The following MYOM3 variants were observed in gnomAD, a reference collection of about 807,000 sequenced individuals.
MYOM3 encodes myomesin 3.
In MYOM3, 155 loss-of-function variants were observed where a neutral mutation model predicts 191.7. The observed-to-expected ratio is 0.81, with a 90% CI of 0.71 to 0.92. MYOM3 has a LOEUF of 0.92. Ranked by LOEUF, MYOM3 falls within the 40% of genes least tolerant of loss-of-function variation. The probability of loss-of-function intolerance (pLI) is 0.00; values close to 1 mark genes in which losing one functional copy is unlikely to be tolerated. For synonymous variants in MYOM3, 757 were observed against 762.9 expected, an observed-to-expected ratio of 0.99 and a Z score of 0.13; for missense variants, 1,889 against 1,890.6, an observed-to-expected ratio of 1.00 and a Z score of 0.02.
At chr1:24,073,169 G>A (rs1047645764) in intron 23 of MYOM3, among the ~76,000 whole-genome samples, 2 of 152,192 alleles carry the variant, frequency 1.3e-5, no homozygotes, top group African/African-American at 2.4e-5. Flanking sequence ...AGGAAACTGA[G>A]GCCCAGGAAG....
intron 5 of MYOM3, among the ~76,000 whole-genome samples, chr1:24,101,396 C>T (rs554665157): frequency 3.3e-5 from 5 of 152,218 alleles, no homozygotes; most frequent in East Asian, 1.9e-4. Flanking sequence ...ATCAGAATTT[C>T]GGGGGGGTTA....
rs1017444002 is a variant in MYOM3 at position 24,082,717 on chromosome 1, G to A, written c.1971-3C>T. ...TCCTCAGCCCGGGAACTGTAAACCT[G>A]GGAGAGAAATGTGCAGCTTTCATGG... On this transcript the variant is annotated splice_polypyrimidine_tract_variant and splice_region_variant and intron_variant, in intron 16 of 36. Coordinates refer to ENST00000374434, the MANE Select transcript of MYOM3 (RefSeq NM_152372.4). The A allele has an allele frequency of 6.3e-7, 1 of 1,595,938 alleles. No homozygotes were observed. Among genetic ancestry groups the A allele is most frequent in the Admixed American group, 1.8e-5 (1 of 55,946 alleles).
chr1:24,059,028 G>T, intron 35 of MYOM3, 49 bp from the exon 36 acceptor site: 1 of 1,406,806 alleles, frequency 7.1e-7, no homozygotes, highest in African/African-American at 1.4e-5. Context: ...TCTGCCAGCC[G>T]CTTCCCAGAA....
In MYOM3 at chr1:24,081,421, G is replaced by T. The variant is rs751840043; in HGVS notation, c.2316C>A (p.Phe772Leu). 3.1e-6 allele frequency: 5 copies of T among 1,614,074 alleles called. No homozygotes were observed. Among genetic ancestry groups the T allele is most frequent in the African/African-American group, 1.3e-5 (1 of 74,946 alleles). The change falls in exon 19 of 37, where the codon TTC (phenylalanine) becomes TTA (leucine). Residue 772 changes from phenylalanine to leucine, a missense_variant. Coordinates refer to ENST00000374434, the MANE Select transcript of MYOM3 (RefSeq NM_152372.4). The part of the protein sequence containing the change: ...SDLHEGHFYE[F>L]RARAANWAGV... ...CTGCCCAGTTGGCAGCCCGGGCACG[G>T]AACTCATAGAAGTGGCCTTCATGAA... is the stretch of plus-strand genomic sequence containing the variant.
chr1:24,102,222 C>G (rs1403963950), intron 5 of MYOM3, among the ~76,000 whole-genome samples: 2 of 152,182 alleles, frequency 1.3e-5, no homozygotes, highest in Non-Finnish European at 2.9e-5. Flanking sequence ...CCATGCAGCC[C>G]CCAGCCTGGC....
Position 24,076,199 on chromosome 1 carries a change from C to T in MYOM3, c.2661G>A (p.Pro887=), listed in dbSNP as rs760227011. The T allele has an allele frequency of 1.5e-5, 24 of 1,614,174 alleles. No individual in the cohort carries two copies. The highest frequency in any genetic ancestry group is 9.9e-5 in the South Asian group (9 of 91,090). Residue 887 remains proline (P), a synonymous_variant, in exon 21 of 37, where the codon CCG becomes CCA. Coordinates refer to ENST00000374434, the MANE Select transcript of MYOM3 (RefSeq NM_152372.4). Reference sequence around the variant, plus strand: ...GGAGCACGGGATCAGTGGGCATGGACGGTTGCCCCAGACCAGCTGAATTCA... The same window carrying T: ...GGAGCACGGGATCAGTGGGCATGGATGGTTGCCCCAGACCAGCTGAATTCA... ...QAMNSAGLGQ[P]SMPTDPVLLE... is the part of the protein sequence containing the mutation.
At position 24,086,929 on chromosome 1, in the gene MYOM3, A is replaced by G. The variant is rs139921830; in HGVS notation, c.1615-102T>C. ...TGTCCCCAGCCCGTGTGCTCTCATG[A>G]TCCTCTATACTCAGCCCAGGCTGCC... is the stretch of plus-strand genomic sequence containing the variant. On this transcript the variant is annotated intron_variant, in intron 14 of 36. Transcript: ENST00000374434. 868 of 1,266,722 alleles carry G rather than the reference A, an allele frequency of 6.9e-4. 7 individuals are homozygous for G. The African/African-American group carries it at 0.011, about 16-fold the overall frequency. 78.5% of individuals were successfully genotyped at this position (1,266,722 alleles called of 1,614,324 possible).
In MYOM3 at chr1:24,111,202, C is replaced by T. The variant is rs1215635029; in HGVS notation, c.-19+829G>A. 6.6e-6 allele frequency among the ~76,000 whole-genome samples: 1 copy of T among 152,250 alleles called. No homozygotes were observed. The highest frequency in any genetic ancestry group is 6.5e-5 in the Admixed American group (1 of 15,288). Reference sequence around the variant, plus strand: ...GTGCCTGCGTGGAGGGGAAACTGCCCCCGCTTCCCTCTCTTGGGGTGCAAA... The same window carrying T: ...GTGCCTGCGTGGAGGGGAAACTGCCTCCGCTTCCCTCTCTTGGGGTGCAAA... On this transcript the variant is annotated intron_variant, in intron 1 of 36. Transcript: ENST00000374434. The surrounding 1 kb of genome is among the most constrained non-coding windows in gnomAD (Gnocchi z 4.7).
intron 15 of MYOM3, 97 bp downstream of exon 15, chr1:24,086,547 G>C (rs560448303): frequency 8.0e-7 from 1 of 1,250,816 alleles, no homozygotes. Flanking sequence ...AGAAGGGAGC[G>C]GGGACAGGGA....
At chr1:24,072,206 G>A (rs1372000809) in intron 23 of MYOM3, among the ~76,000 whole-genome samples, 193 bp from the exon 24 acceptor site, 1 of 152,166 alleles carries the variant, frequency 6.6e-6, no homozygotes, top group East Asian at 1.9e-4. Flanking sequence ...GGGCACTGAG[G>A]GTGATGCCGG....
intron 32 of MYOM3, 90 bp from the exon 33 acceptor site, chr1:24,062,199 T>C (rs1034166234): frequency 3.4e-6 from 5 of 1,475,260 alleles, no homozygotes; most frequent in Non-Finnish European, 3.7e-6. Context: ...TGGTTTTGTT[T>C]TGAGATCACG....
Position 24,058,979 on chromosome 1 carries a change from T to C in MYOM3, c.3995A>G (p.Asn1332Ser), listed in dbSNP as rs1393879600. The C allele has an allele frequency of 1.9e-6, 3 of 1,610,908 alleles. No homozygotes were observed. Among genetic ancestry groups the C allele is most frequent in the African/African-American group, 1.3e-5 (1 of 74,870 alleles). The change falls in exon 36 of 37, where the codon AAT becomes AGT. Residue 1332 changes from asparagine to serine, a missense_variant and splice_region_variant. Asn to Ser is a conservative substitution (Grantham distance 46). Coordinates refer to ENST00000374434, the MANE Select transcript of MYOM3 (RefSeq NM_152372.4). Reference sequence around the variant, plus strand: ...CAGACCTCTCACCACTTTGGCACGATCTGGAAGGGAAATAAGAGACCCCAG... The same window carrying C: ...CAGACCTCTCACCACTTTGGCACGACCTGGAAGGGAAATAAGAGACCCCAG... ...RLKTLAIIEK[N>S]RAKVVRGLPD...
In MYOM3 at chr1:24,062,260, C is replaced by T. The variant is rs1643379338; in HGVS notation, c.3771-151G>A. On this transcript the variant is annotated intron_variant, in intron 32 of 36. Transcript: ENST00000374434. Reference sequence around the variant, plus strand: ...CCAGATAAATATCCATTCACTTACTCATTGATTATTCAACCCTCCATTCCT... The same window carrying T: ...CCAGATAAATATCCATTCACTTACTTATTGATTATTCAACCCTCCATTCCT... The T allele has an allele frequency of 8.3e-6, 6 of 722,330 alleles. No individual in the cohort carries two copies. In the South Asian group the frequency reaches 1.1e-4, roughly 13 times the overall value. 44.7% of individuals were successfully genotyped at this position (722,330 alleles called of 1,614,324 possible). A position where few individuals can be genotyped will look rare whatever the true frequency, so the allele number is the denominator to read the frequency against.
intron 9 of MYOM3, 141 bp downstream of exon 9, chr1:24,094,712 T>C: frequency 1.2e-6 from 1 of 804,056 alleles, no homozygotes; most frequent in Non-Finnish European, 1.9e-6. Context: ...GCACTCCCGC[T>C]CTCCTCTGCC....
At chr1:24,102,453 G>A (rs894844326) in intron 5 of MYOM3, among the ~76,000 whole-genome samples, 2 of 152,126 alleles carry the variant, frequency 1.3e-5, no homozygotes, top group South Asian at 4.1e-4. Flanking sequence ...AGACCTCAAC[G>A]CTCACCCCTC....
chr1:24,103,873 C>G (rs1643959927), intron 5 of MYOM3, among the ~76,000 whole-genome samples: 2 of 151,788 alleles, frequency 1.3e-5, no homozygotes, highest in South Asian at 4.2e-4. Flanking sequence ...TGGCTCAGTC[C>G]TTTGGATGTT....
chr1:24,100,161 G>C (rs1570885186), intron 5 of MYOM3, among the ~76,000 whole-genome samples: 2 of 152,116 alleles, frequency 1.3e-5, no homozygotes, highest in Admixed American at 6.5e-5. Flanking sequence ...GAACCACCGC[G>C]CCTGGCCTCC....
rs1334276155 is a variant in MYOM3, at chr1:24,063,137, G to A, written c.3759C>T (p.Thr1253=). Residue 1253 remains threonine (T), a synonymous_variant, in exon 32 of 37, where the codon ACC becomes ACT. Coordinates refer to ENST00000374434, the MANE Select transcript of MYOM3 (RefSeq NM_152372.4). The surrounding 1 kb of genome is among the most constrained non-coding windows in gnomAD (Gnocchi z 4.5). ...KYYNVEYMKT[T]WFHKDKRLES... is the part of the protein sequence containing the mutation. ...CAAGGCGGACTTACTTGTGGAACCA[G>A]GTGGTTTTCATGTACTCCACGTTGT... The A allele has an allele frequency of 6.2e-7, 1 of 1,607,838 alleles. No individual in the cohort carries two copies. The highest frequency in any genetic ancestry group is 1.7e-5 in the Admixed American group (1 of 59,948).
Position 24,111,536 on chromosome 1 carries a change from G to C in MYOM3, c.-19+495C>G, listed in dbSNP as rs1207027880. Among the ~76,000 whole-genome samples the C allele has an allele frequency of 1.3e-5, 2 of 152,188 alleles. No individual in the cohort carries two copies. Among genetic ancestry groups the C allele is most frequent in the African/African-American group, 4.8e-5 (2 of 41,444 alleles). ...GCAACTCCTTTCCCGTCTGGGCCTC[G>C]GTTTCCTGTCAGGCACTGGATGAAA... On this transcript the variant is annotated intron_variant, in intron 1 of 36. Transcript: ENST00000374434. This position sits in a 1 kb window ranked among gnomAD's most constrained non-coding sequence, Gnocchi z 4.7.
Sources: gnomAD v4.1 joint callset for allele counts (sites outside exome capture counted in the v4.1 genomes callset) on GRCh38, gnomAD v4.1.1 for gene constraint, Gnocchi (gnomAD v3.1) non-coding constraint, MANE v1.5 for transcripts, NCBI Gene and HGNC (gene_info 2026-07-23, HGNC 2026-07-21) for gene names.